CACNA1H: variants seen among roughly 807,000 people sequenced by gnomAD.
CACNA1H encodes the protein voltage-dependent T-type calcium channel subunit alpha-1H.
In CACNA1H, 149 loss-of-function variants were observed where a neutral mutation model predicts 192.5. That is an observed-to-expected ratio of 0.77 (90% CI 0.68 to 0.89). CACNA1H has a LOEUF of 0.89. Among genes scored for constraint, CACNA1H ranks in the 40% least tolerant of loss-of-function variants. The pLI is 0.00. For synonymous variants in CACNA1H, 2,202 were observed against 1,475.2 expected (o/e 1.49, Z -11.29); for missense variants, 4,257 against 3,423.5 (o/e 1.24, Z -6.08).
chr16:1,155,025 C>T (rs1279583399), intron 2 of CACNA1H, among the ~76,000 whole-genome samples: 1 of 152,198 alleles, frequency 6.6e-6, no homozygotes, highest in Non-Finnish European at 1.5e-5. Flanking sequence ...AGACGTCCCC[C>T]GTCGGAGGTG....
intron 8 of CACNA1H, among the ~76,000 whole-genome samples, chr16:1,201,387 G>T (rs781488031): frequency 5.3e-5 from 8 of 152,170 alleles, no homozygotes; most frequent in Admixed American, 3.9e-4. Context: ...CTCAAGGCCA[G>T]ATCTGCAGGT....
chr16:1,208,543 T>C (rs1969033344), intron 16 of CACNA1H, among the ~76,000 whole-genome samples: 1 of 152,114 alleles, frequency 6.6e-6, no homozygotes. Context: ...AGGCGGGGGT[T>C]CCGCTGCCAC....
intron 9 of CACNA1H, 33 bp from the exon 10 acceptor site, chr16:1,203,977 T>A (rs750450231): frequency 3.4e-6 from 5 of 1,473,964 alleles, no homozygotes; most frequent in Non-Finnish European, 4.5e-6. Context: ...CACCACTGAG[T>A]GGGCCTGCCC....
chr16:1,175,976 G>A (rs1264112723), intron 2 of CACNA1H, among the ~76,000 whole-genome samples: 1 of 152,232 alleles, frequency 6.6e-6, no homozygotes, highest in African/African-American at 2.4e-5. Flanking sequence ...CCTGGGGGCT[G>A]CCATGCTCCC....
In CACNA1H at chr16:1,213,834, A is replaced by G; in HGVS notation, c.4832A>G (p.His1611Arg). 3 of 1,596,532 alleles carry G rather than the reference A, an allele frequency of 1.9e-6. No individual in the cohort carries two copies. The highest frequency in any genetic ancestry group is 2.6e-6 in the Non-Finnish European group (3 of 1,172,794). ...TACTCGCCCACGCGCCGCTCCATTC[A>G]CTCGCTGTGCACCAGCCACTATCTC... ...ADYSPTRRSI[H>R]SLCTSHYLDL... is the part of the protein sequence containing the mutation. The change falls in exon 27 of 35, where the codon CAC (histidine) becomes CGC (arginine). Residue 1611 changes from histidine (H) to arginine (R), a missense_variant. By Grantham distance (29) the His-to-Arg change is conservative (BLOSUM62 0). Transcript: ENST00000348261.
chr16:1,173,360 C>T (rs1028375888), intron 2 of CACNA1H, among the ~76,000 whole-genome samples: 4 of 152,166 alleles, frequency 2.6e-5, no homozygotes, highest in African/African-American at 9.7e-5. Context: ...GAGGCGTGCT[C>T]CCCCACAACC....
chr16:1,217,841 G>A (rs1970156721), intron 31 of CACNA1H, 78 bp from the exon 32 acceptor site: 10 of 1,495,424 alleles, frequency 6.7e-6, no homozygotes, highest in South Asian at 3.9e-5. Context: ...TCCCCAAGGG[G>A]CATGTGGAGG....
Position 1,221,511 on chromosome 16 carries a change from T to G in CACNA1H, c.*517T>G. 1 of 415,940 alleles carries G rather than the reference T, an allele frequency of 2.4e-6. No individual in the cohort carries two copies. Among genetic ancestry groups the G allele is most frequent in the South Asian group, 3.5e-5 (1 of 28,938 alleles). 25.8% of individuals were successfully genotyped at this position (415,940 alleles called of 1,614,324 possible). A position where few individuals can be genotyped will look rare whatever the true frequency, so the allele number is the denominator to read the frequency against. On this transcript the variant is annotated 3_prime_UTR_variant, in exon 35 of 35. Coordinates refer to ENST00000348261, the MANE Select transcript of CACNA1H (RefSeq NM_021098.3). ...CCACCCTTTCCGTTCCGCTCGGGCC[T>G]TCCCAGAAGCGTCCTGTGACTCTGG...
chr16:1,161,511 C>G (rs1320216212), intron 2 of CACNA1H, among the ~76,000 whole-genome samples: 1 of 152,196 alleles, frequency 6.6e-6, no homozygotes, highest in Admixed American at 6.5e-5. Flanking sequence ...ATGTTAAAGA[C>G]TCAGCCTCAA....
intron 25 of CACNA1H, 85 bp from the exon 26 acceptor site, chr16:1,212,426 C>A: frequency 7.2e-7 from 1 of 1,393,256 alleles, no homozygotes; most frequent in Non-Finnish European, 1.0e-6. Flanking sequence ...GCCCCCGAGA[C>A]ACGGGGGCTG....
chr16:1,203,892 TG>T, intron 9 of CACNA1H, 117 bp from the exon 10 acceptor site: 1 of 710,170 alleles, frequency 1.4e-6, no homozygotes. Context: ...GGTTGGACTC[TG>T]GATGGATCTT....
chr16:1,211,315 C>T lies in CACNA1H; in HGVS notation c.4350+21C>T, dbSNP rs559679073. On this transcript the variant is annotated intron_variant, in intron 22 of 34. Transcript: ENST00000348261. ...TGCAGGTGTGTGGCCCCCACGTGCC[C>T]GGGGGTCTGCCCCGTCGCAGACAGG... 9.9e-6 allele frequency: 16 copies of T among 1,612,534 alleles called. No homozygotes were observed. In the Admixed American group the frequency reaches 1.0e-4, roughly 10 times the overall value.
chr16:1,195,915 C>T lies in CACNA1H; in HGVS notation c.546-11C>T, dbSNP rs547690343. The T allele has an allele frequency of 1.9e-5, 30 of 1,610,406 alleles. No individual in the cohort carries two copies. The African/African-American group carries it at 3.9e-4, about 21-fold the overall frequency. Reference sequence around the variant, plus strand: ...CCTTGTTGAGCTGCTCCCCCTCGGCCCCGCCCCCAGCATGATGGAGTACTC... The same window carrying T: ...CCTTGTTGAGCTGCTCCCCCTCGGCTCCGCCCCCAGCATGATGGAGTACTC... On this transcript the variant is annotated splice_polypyrimidine_tract_variant and intron_variant, in intron 4 of 34. Coordinates refer to ENST00000348261, the MANE Select transcript of CACNA1H (RefSeq NM_021098.3).
intron 21 of CACNA1H, 54 bp from the exon 22 acceptor site, chr16:1,211,114 C>G: frequency 6.3e-7 from 1 of 1,594,258 alleles, no homozygotes; most frequent in Non-Finnish European, 8.5e-7. Context: ...GCTCTGCCGG[C>G]GCCTGGCAGC....
chr16:1,197,655 C>T (rs909020636), intron 5 of CACNA1H, among the ~76,000 whole-genome samples: 2 of 152,236 alleles, frequency 1.3e-5, no homozygotes, highest in Non-Finnish European at 2.9e-5. Flanking sequence ...GCAGTGCTCA[C>T]TGATTGTCTG....
In CACNA1H at chr16:1,167,734, A is replaced by G. The variant is rs548779192; in HGVS notation, c.299+13698A>G. On this transcript the variant is annotated intron_variant, in intron 2 of 34. Transcript: ENST00000348261. This position sits in a 1 kb window ranked among gnomAD's most constrained non-coding sequence, Gnocchi z 4.2. Reference sequence around the variant, plus strand: ...CCGAGACCCCTCCTTTGCTTCCTGAAAGGAGCCCACCCCTCCTTCAGGGAC... The same window carrying G: ...CCGAGACCCCTCCTTTGCTTCCTGAGAGGAGCCCACCCCTCCTTCAGGGAC... Among the ~76,000 whole-genome samples the G allele has an allele frequency of 1.3e-5, 2 of 152,162 alleles. No homozygotes were observed. Among genetic ancestry groups the G allele is most frequent in the African/African-American group, 4.8e-5 (2 of 41,524 alleles).
rs764802620 is a variant in CACNA1H at position 1,216,946 on chromosome 16, C to T, written c.5259C>T (p.Gly1753=). The change falls in exon 31 of 35, where the codon GGC becomes GGT. Residue 1753 remains glycine, a synonymous_variant. Transcript: ENST00000348261. ...VQALPQVGNL[G]LLFMLLFFIY... ...CTCTTGTGTAGGTGGGGAACCTGGG[C>T]CTTCTTTTCATGCTCCTGTTTTTTA... The T allele has an allele frequency of 1.4e-5, 22 of 1,603,604 alleles. No individual in the cohort carries two copies. Among genetic ancestry groups the T allele is most frequent in the Middle Eastern group, 1.6e-4 (1 of 6,072 alleles).
rs193137593 is a variant in CACNA1H, at chr16:1,171,329, G to A, written c.299+17293G>A. Among the ~76,000 whole-genome samples the A allele has an allele frequency of 2.2e-3, 329 of 152,288 alleles. 2 individuals are homozygous for A. The highest frequency in any genetic ancestry group is 7.7e-3 in the African/African-American group (320 of 41,564). ...GGCTTTGGGGCTGTCAGCAGCCCAG[G>A]GGGGTAAGAGGACGAGGCCCAGATG... On this transcript the variant is annotated intron_variant, in intron 2 of 34. Coordinates refer to ENST00000348261, the MANE Select transcript of CACNA1H (RefSeq NM_021098.3).
At chr16:1,207,203 T>C (rs1968836338) in intron 13 of CACNA1H, 72 bp from the exon 14 acceptor site, 1 of 1,553,686 alleles carries the variant, frequency 6.4e-7, no homozygotes. Flanking sequence ...CATCCATAGC[T>C]GCCTCTGCCC....
Sources: allele counts gnomAD v4.1 joint callset (sites outside exome capture counted in the v4.1 genomes callset), GRCh38; gene constraint gnomAD v4.1.1; non-coding constraint Gnocchi (gnomAD v3.1); transcripts MANE v1.5; gene names NCBI Gene and HGNC (gene_info 2026-07-23, HGNC 2026-07-21).